The following SYNE2 variants were observed in gnomAD, a reference collection of about 807,000 sequenced individuals.
SYNE2 encodes the protein spectrin repeat containing nuclear envelope protein 2, also known as nesprin-2.
SYNE2 carries 431 observed loss-of-function variants against 856.3 expected under a neutral mutation model. The ratio of observed to expected loss-of-function variants is 0.50; its 90% CI spans 0.47 to 0.55. The LOEUF (loss-of-function observed/expected upper bound fraction) is 0.55, where lower values mean the gene tolerates loss of function less well. Among genes scored for constraint, SYNE2 ranks in the 20% least tolerant of loss-of-function variants. The pLI is 0.00. For missense variants in SYNE2, 8,129 were observed against 8,023.2 expected (o/e 1.01, Z -0.50); for synonymous variants, 2,923 against 2,872.3 (o/e 1.02, Z -0.56).
intron 45 of SYNE2, among the ~76,000 whole-genome samples, chr14:64,043,927 A>G (rs2153476): frequency 0.8 from 120,995 of 152,136 alleles, 49,102 homozygotes; most frequent in Non-Finnish European, 0.88. Flanking sequence ...GCACAGTCAC[A>G]GCTCACTGTA....
At chr14:64,145,154 T>C (rs10137665) in intron 83 of SYNE2, among the ~76,000 whole-genome samples, 28,268 of 151,598 alleles carry the variant, frequency 0.19, 3,636 homozygotes, top group African/African-American at 0.37. Context: ...CTCGAACTCC[T>C]GACCTCCAGT....
At chr14:64,137,133 C>T (rs1430930498) in intron 78 of SYNE2, among the ~76,000 whole-genome samples, 1 of 152,234 alleles carries the variant, frequency 6.6e-6, no homozygotes, top group East Asian at 1.9e-4. Flanking sequence ...GGCCTAATGA[C>T]TGCCAGCTTG....
chr14:64,170,223 C>T lies in SYNE2; in HGVS notation c.17001-5C>T, dbSNP rs1221320372. The T allele has an allele frequency of 6.2e-7, 1 of 1,613,034 alleles. No individual in the cohort carries two copies. The highest frequency in any genetic ancestry group is 1.7e-5 in the Admixed American group (1 of 59,994). On this transcript the variant is annotated splice_region_variant and splice_polypyrimidine_tract_variant and intron_variant, in intron 93 of 115. Transcript: ENST00000555002. ...TGGATTCTATAACCATTTGTTTTTC[C>T]CCAGACCAGAATTTATTACAGAATT...
intron 49 of SYNE2, among the ~76,000 whole-genome samples, chr14:64,057,518 C>T (rs1256643877): frequency 3.3e-5 from 5 of 152,122 alleles, no homozygotes; most frequent in African/African-American, 9.7e-5. Context: ...TTCATCCACT[C>T]ATCTGTTGAT....
chr14:63,878,536 CTTTATT>C (rs1000404326), intron 1 of SYNE2, among the ~76,000 whole-genome samples: 15 of 150,326 alleles, frequency 1.0e-4, no homozygotes, highest in Admixed American at 6.7e-5. Context: ...TTATTTTTTT[CTTTATT>C]TTTATTTTTA....
rs1375790306 is a variant in SYNE2 at position 64,129,763 on chromosome 14, T to C, written c.14020-19T>C. 1.2e-6 allele frequency: 2 copies of C among 1,614,004 alleles called. No homozygotes were observed. The highest frequency in any genetic ancestry group is 4.5e-5 in the East Asian group (2 of 44,886). On this transcript the variant is annotated intron_variant, in intron 74 of 115. Coordinates refer to ENST00000555002, the MANE Select transcript of SYNE2 (RefSeq NM_182914.3). ...GACTTACTGAAGGGTTTTCTTTTCT[T>C]GTATTGTCTCTCACTTAGAAAGCAG... is the stretch of plus-strand genomic sequence containing the variant.
intron 1 of SYNE2, among the ~76,000 whole-genome samples, chr14:63,862,777 G>A (rs1894085467): frequency 6.6e-6 from 1 of 151,450 alleles, no homozygotes; most frequent in Non-Finnish European, 1.5e-5. Context: ...GAAGGTTTTG[G>A]GGCAGTTTTG....
chr14:63,997,229 G>A, intron 24 of SYNE2, 71 bp downstream of exon 24: 2 of 1,582,428 alleles, frequency 1.3e-6, no homozygotes, highest in South Asian at 2.2e-5. Flanking sequence ...ATGACATTAA[G>A]CGTTAGTCAT....
At chr14:64,030,221 T>C (rs2097022052) in intron 44 of SYNE2, among the ~76,000 whole-genome samples, 162 bp downstream of exon 44, 2 of 152,218 alleles carry the variant, frequency 1.3e-5, no homozygotes, top group Non-Finnish European at 2.9e-5. Context: ...ATGTCCTTCT[T>C]TAGTGGACAA....
At position 64,212,023 on chromosome 14, in the gene SYNE2, A is replaced by G. The variant is rs762833113; in HGVS notation, c.18786A>G (p.Thr6262=). 2 of 1,614,236 alleles carry G rather than the reference A, an allele frequency of 1.2e-6. No individual in the cohort carries two copies. Among genetic ancestry groups the G allele is most frequent in the Admixed American group, 1.7e-5 (1 of 60,032 alleles). Residue 6262 remains threonine (T), a synonymous_variant, in exon 104 of 116, where the codon ACA becomes ACG. Transcript: ENST00000555002. ...GTRESILVWL[T]EMDLQLTNVE... ...GGGAGAGCATTCTGGTGTGGCTCAC[A>G]GAGATGGACCTGCAGCTGACCAACG...
intron 1 of SYNE2, among the ~76,000 whole-genome samples, chr14:63,888,929 C>T (rs948574734): frequency 3.3e-5 from 5 of 151,898 alleles, no homozygotes; most frequent in South Asian, 2.1e-4. Flanking sequence ...AGGCCGGGCG[C>T]GGTGGCACAC....
chr14:63,878,266 C>T (rs541363252), intron 1 of SYNE2, among the ~76,000 whole-genome samples: 1 of 152,298 alleles, frequency 6.6e-6, no homozygotes, highest in East Asian at 1.9e-4. Flanking sequence ...GATCTCCACC[C>T]TGTGGGACTG....
chr14:64,002,334 C>A (rs1384136881), intron 29 of SYNE2, among the ~76,000 whole-genome samples: 1 of 152,090 alleles, frequency 6.6e-6, no homozygotes, highest in Non-Finnish European at 1.5e-5. Context: ...TTTATGAATG[C>A]CTTCTTCAGT....
At chr14:64,078,403 C>T (rs968303434) in intron 54 of SYNE2, 63 bp from the exon 55 acceptor site, 15 of 1,604,466 alleles carry the variant, frequency 9.3e-6, no homozygotes, top group South Asian at 4.4e-5. Flanking sequence ...TTTTGTTGTT[C>T]GAACCTATGA....
chr14:63,791,956 A>C lies in SYNE2; in HGVS notation c.-305+29970A>C, dbSNP rs1028473007. On this transcript the variant is annotated intron_variant, in intron 1 of 23. Coordinates refer to the SYNE2 transcript ENST00000674003. ...GAGACTCCGTCTCAAAAAAAAAAAC[A>C]AAAACAAAACTTAAAAATGAACAAA... Among the ~76,000 whole-genome samples, 2 of 150,726 alleles carry C rather than the reference A, an allele frequency of 1.3e-5. 1 individual carries two copies. The highest frequency in any genetic ancestry group is 4.9e-5 in the African/African-American group (2 of 41,160).
intron 19 of SYNE2, 142 bp downstream of exon 19, chr14:63,986,759 A>G (rs927877710): frequency 1.2e-5 from 11 of 924,772 alleles, no homozygotes; most frequent in Non-Finnish European, 1.8e-5. Context: ...AATGGATTTT[A>G]TCCCTGGATC....
rs111421280 is a variant in SYNE2 at position 63,794,979 on chromosome 14, G to A, written c.-305+32993G>A. Among the ~76,000 whole-genome samples the A allele has an allele frequency of 5.8e-3, 877 of 152,224 alleles. 5 individuals are homozygous for A. Among genetic ancestry groups the A allele is most frequent in the African/African-American group, 0.019 (802 of 41,552 alleles). ...TGAACCGTTTTTATTTGTTTGTGAC[G>A]GGGTCTTACTCTGCCTCCCAGGCTC... On this transcript the variant is annotated intron_variant, in intron 1 of 23. Transcript: ENST00000674003.
At position 64,190,199 on chromosome 14, in the gene SYNE2, C is replaced by T. The variant is rs150002885; in HGVS notation, c.18000C>T (p.Asn6000=). ...AEIDDKLNKI[N]DRWQHLFDVI... ...TCGATGACAAGCTCAACAAAATTAA[C>T]GATCGTTGGCAACATCTTTTTGATG... The change falls in exon 99 of 116, where the codon AAC becomes AAT. Residue 6000 remains asparagine (N), a synonymous_variant. Coordinates refer to ENST00000555002, the MANE Select transcript of SYNE2 (RefSeq NM_182914.3). 15 of 1,613,932 alleles carry T rather than the reference C, an allele frequency of 9.3e-6. No homozygotes were observed. In the East Asian group the frequency reaches 1.1e-4, roughly 12 times the overall value.
chr14:63,947,019 T>G (rs2096044556), intron 6 of SYNE2, among the ~76,000 whole-genome samples: 4 of 152,076 alleles, frequency 2.6e-5, no homozygotes, highest in Admixed American at 2.6e-4. Flanking sequence ...CTAGCTAATT[T>G]TTGTGTTTTT....
Sources: allele counts gnomAD v4.1 joint callset (sites outside exome capture counted in the v4.1 genomes callset), GRCh38; gene constraint gnomAD v4.1.1; transcripts MANE v1.5; gene names NCBI Gene and HGNC (gene_info 2026-07-23, HGNC 2026-07-21).